Variants in MOB3B observed in about 807,000 individuals in gnomAD.
MOB3B encodes MOB kinase activator-like 2B.
MOB3B carries 7 observed loss-of-function variants against 18.7 expected under a neutral mutation model. That is an observed-to-expected ratio of 0.37 (90% confidence interval 0.21 to 0.70). MOB3B has a LOEUF of 0.70. Ranked by LOEUF, MOB3B falls within the 30% of genes least tolerant of loss-of-function variation. The probability of loss-of-function intolerance (pLI) is 0.52; values close to 1 mark genes in which losing one functional copy is unlikely to be tolerated. For synonymous variants in MOB3B, 111 were observed against 99.9 expected (o/e 1.11, Z -0.66); for missense variants, 253 against 281.3 (o/e 0.90, Z 0.72).
chr9:27,415,462 A>G lies in MOB3B; in HGVS notation c.418+39671T>C, dbSNP rs185266702. Among the ~76,000 whole-genome samples the G allele has an allele frequency of 6.5e-3, 984 of 152,116 alleles. 7 individuals carry two copies. Among genetic ancestry groups the G allele is most frequent in the Non-Finnish European group, 9.7e-3 (657 of 68,004 alleles). ...ATCTGTAAGTCTAAAGTTATTTTCA[A>G]TTATAAAACATAAGAAAAAATAGGA... On this transcript the variant is annotated intron_variant, in intron 2 of 3. Transcript: ENST00000262244.
chr9:27,491,817 G>T (rs1587254380), intron 1 of MOB3B, among the ~76,000 whole-genome samples: 1 of 152,274 alleles, frequency 6.6e-6, no homozygotes, highest in East Asian at 1.9e-4. Context: ...AGCTTGCAGT[G>T]AGCCGAGATC....
intron 3 of MOB3B, among the ~76,000 whole-genome samples, chr9:27,351,354 A>G (rs1193649903): frequency 8.0e-6 from 1 of 124,498 alleles, no homozygotes; most frequent in Non-Finnish European, 1.7e-5. Flanking sequence ...TCTGTAGGTC[A>G]GGCTGGGAGG....
chr9:27,351,289 A>G (rs1821102129), intron 3 of MOB3B, among the ~76,000 whole-genome samples: 1 of 132,894 alleles, frequency 7.5e-6, no homozygotes, highest in Non-Finnish European at 1.6e-5. Flanking sequence ...CTGACACATC[A>G]TATCAGTAGT....
chr9:27,368,871 C>T (rs1007470657), intron 2 of MOB3B, among the ~76,000 whole-genome samples: 1 of 152,194 alleles, frequency 6.6e-6, no homozygotes, highest in Admixed American at 6.5e-5. Context: ...TCCTCCTACC[C>T]CTGAGCGCCA....
rs369010059 is a variant in MOB3B, at chr9:27,489,199, G to A, written c.-198-33451C>T. Among the ~76,000 whole-genome samples the A allele has an allele frequency of 5.9e-5, 9 of 152,228 alleles. 1 individual carries two copies. Among genetic ancestry groups the A allele is most frequent in the Non-Finnish European group, 5.9e-5 (4 of 68,022 alleles). Reference sequence around the variant, plus strand: ...TATTTCCATTTACTTCTCCTAGTCCGTCTTTCCCTTTCACTTGTGGTTTTC... The same window carrying A: ...TATTTCCATTTACTTCTCCTAGTCCATCTTTCCCTTTCACTTGTGGTTTTC... On this transcript the variant is annotated intron_variant, in intron 1 of 3. Coordinates refer to ENST00000262244, the MANE Select transcript of MOB3B (RefSeq NM_024761.5).
chr9:27,480,054 C>T (rs1223659210), intron 1 of MOB3B, among the ~76,000 whole-genome samples: 1 of 131,422 alleles, frequency 7.6e-6, no homozygotes, highest in African/African-American at 2.9e-5. Flanking sequence ...AAGATACTGT[C>T]TCTTTAAAAA....
intron 2 of MOB3B, among the ~76,000 whole-genome samples, chr9:27,452,563 A>G (rs1006829477): frequency 6.6e-6 from 1 of 152,242 alleles, no homozygotes; most frequent in Non-Finnish European, 1.5e-5. Context: ...GAAAGAAAAT[A>G]CATAATTTAA....
Position 27,328,578 on chromosome 9 carries a change from A to G in MOB3B, c.*2009T>C, listed in dbSNP as rs1039070059. The G allele has an allele frequency of 2.0e-5, 3 of 152,246 alleles. No individual in the cohort carries two copies. Among genetic ancestry groups the G allele is most frequent in the Admixed American group, 1.3e-4 (2 of 15,288 alleles). 9.4% of individuals were successfully genotyped at this position (152,246 alleles called of 1,614,324 possible). ...AAGAATGAATAACAAAGGTCTCCAGATTCCAGCCTCCTGCTCGATTATGCA... is the reference window on the plus strand; with the variant it reads ...AAGAATGAATAACAAAGGTCTCCAGGTTCCAGCCTCCTGCTCGATTATGCA... On this transcript the variant is annotated 3_prime_UTR_variant, in exon 4 of 4. Transcript: ENST00000262244.
At chr9:27,357,886 T>TCCAAAAAAAAAAAAAAAAAAAAAAAA (rs1563849115) in intron 3 of MOB3B, among the ~76,000 whole-genome samples, 2 of 25,316 alleles carry the variant, frequency 7.9e-5, no homozygotes, top group African/African-American at 2.9e-4. Context: ...ATCCCATCGC[T>TCCAAAAAAAAAAAAAAAAAAAAAAAA]ACAAAAAAAA....
intron 2 of MOB3B, among the ~76,000 whole-genome samples, chr9:27,404,887 T>C (rs2131396038): frequency 6.6e-6 from 1 of 152,284 alleles, no homozygotes; most frequent in East Asian, 1.9e-4. Flanking sequence ...ACCAACAGTG[T>C]ATGGGGTTCC....
intron 1 of MOB3B, among the ~76,000 whole-genome samples, chr9:27,511,707 G>A (rs1394303041): frequency 1.3e-5 from 2 of 152,082 alleles, no homozygotes; most frequent in Admixed American, 1.3e-4. Flanking sequence ...TCACTAGAAA[G>A]CTGCCTATGG....
chr9:27,438,077 A>G (rs1822539497), intron 2 of MOB3B, among the ~76,000 whole-genome samples: 1 of 152,228 alleles, frequency 6.6e-6, no homozygotes. Context: ...TTGTGGTACG[A>G]ACCAGTTTAC....
intron 2 of MOB3B, among the ~76,000 whole-genome samples, chr9:27,452,928 G>A (rs1298821510): frequency 6.6e-6 from 1 of 152,188 alleles, no homozygotes; most frequent in Non-Finnish European, 1.5e-5. Context: ...CAGTTAGATA[G>A]AAAGCGTAAA....
At chr9:27,391,582 C>G (rs565676625) in intron 2 of MOB3B, among the ~76,000 whole-genome samples, 2 of 152,320 alleles carry the variant, frequency 1.3e-5, no homozygotes, top group African/African-American at 4.8e-5. Flanking sequence ...AGTGTTTACA[C>G]TAAATAGCAT....
intron 1 of MOB3B, among the ~76,000 whole-genome samples, chr9:27,458,144 T>A (rs1315615189): frequency 6.6e-6 from 1 of 152,122 alleles, no homozygotes; most frequent in East Asian, 1.9e-4. Flanking sequence ...TGAGACTTGC[T>A]CTTCTATTAA....
At chr9:27,430,233 C>T (rs1045415535) in intron 2 of MOB3B, among the ~76,000 whole-genome samples, 11 of 152,186 alleles carry the variant, frequency 7.2e-5, no homozygotes, top group African/African-American at 2.7e-4. Flanking sequence ...GGATTGGCAA[C>T]CGAGCCCCAG....
Position 27,326,538 on chromosome 9 carries a change from G to A in MOB3B, c.*4049C>T, listed in dbSNP as rs1820714394. On this transcript the variant is annotated 3_prime_UTR_variant, in exon 4 of 4. Coordinates refer to ENST00000262244, the MANE Select transcript of MOB3B (RefSeq NM_024761.5). ...GGTTCAGTGGGTTGGTTATACCAAAGAATGCTATAGAATTTCCATGCCCGA... is the reference window on the plus strand; with the variant it reads ...GGTTCAGTGGGTTGGTTATACCAAAAAATGCTATAGAATTTCCATGCCCGA... The A allele has an allele frequency of 2.5e-6, 1 of 398,466 alleles. No homozygotes were observed. Among genetic ancestry groups the A allele is most frequent in the Non-Finnish European group, 4.4e-6 (1 of 226,054 alleles). 24.7% of individuals were successfully genotyped at this position (398,466 alleles called of 1,614,324 possible). A position where few individuals can be genotyped will look rare whatever the true frequency, so the allele number is the denominator to read the frequency against.
intron 3 of MOB3B, among the ~76,000 whole-genome samples, chr9:27,350,561 A>C (rs998819332): frequency 6.6e-6 from 1 of 152,226 alleles, no homozygotes. Context: ...TCTGGACATC[A>C]ACAAGGGATG....
intron 1 of MOB3B, among the ~76,000 whole-genome samples, chr9:27,468,511 G>A (rs1819419540): frequency 6.6e-6 from 1 of 152,188 alleles, no homozygotes; most frequent in Non-Finnish European, 1.5e-5. Flanking sequence ...GAGCAAGAAG[G>A]ACGGGATGGC....
Sources: gnomAD v4.1 joint callset for allele counts (sites outside exome capture counted in the v4.1 genomes callset) on GRCh38, gnomAD v4.1.1 for gene constraint, MANE v1.5 for transcripts, NCBI Gene and HGNC (gene_info 2026-07-23, HGNC 2026-07-21) for gene names.